Variants in ARHGAP24 observed in about 807,000 individuals in gnomAD.
The protein encoded by ARHGAP24 is rho GTPase-activating protein 24.
ARHGAP24 carries 50 observed loss-of-function variants against 76.4 expected under a neutral mutation model. The ratio of observed to expected loss-of-function variants is 0.65; its 90% confidence interval spans 0.52 to 0.83. The LOEUF (loss-of-function observed/expected upper bound fraction) is 0.83. Among genes scored for constraint, ARHGAP24 ranks in the 40% least tolerant of loss-of-function variants. The pLI, the probability that ARHGAP24 is intolerant of heterozygous loss-of-function variation, is 0.00. For missense variants in ARHGAP24, 930 were observed against 914.2 expected (o/e 1.02, Z -0.22); for synonymous variants, 345 against 323.3 (o/e 1.07, Z -0.72).
chr4:85,823,999 T>C (rs1729594469), intron 3 of ARHGAP24, among the ~76,000 whole-genome samples: 1 of 152,108 alleles, frequency 6.6e-6, no homozygotes, highest in Non-Finnish European at 1.5e-5. Context: ...AAGTACATCT[T>C]TCCCATCTAG....
chr4:85,657,282 C>T (rs1205465031), intron 2 of ARHGAP24, among the ~76,000 whole-genome samples: 2 of 152,184 alleles, frequency 1.3e-5, no homozygotes, highest in African/African-American at 4.8e-5. Context: ...AATGTGCTAT[C>T]TGCCAAACAC....
chr4:85,577,376 A>G (rs535105234), intron 2 of ARHGAP24, among the ~76,000 whole-genome samples: 13 of 152,234 alleles, frequency 8.5e-5, no homozygotes, highest in African/African-American at 2.9e-4. Flanking sequence ...TGATTTTGCA[A>G]TTTTAACTTT....
At chr4:85,535,961 C>T (rs1725453168) in intron 1 of ARHGAP24, among the ~76,000 whole-genome samples, 2 of 152,116 alleles carry the variant, frequency 1.3e-5, no homozygotes, top group Admixed American at 6.5e-5. Context: ...TGTTGATTGC[C>T]TGTGTCTCGT....
intron 1 of ARHGAP24, among the ~76,000 whole-genome samples, chr4:85,477,681 G>A (rs1043397463): frequency 6.6e-5 from 10 of 152,172 alleles, no homozygotes; most frequent in African/African-American, 1.9e-4. Flanking sequence ...TGATTACTTT[G>A]CTGTCTTAGC....
chr4:85,643,223 CGTTTTTTTGTG>C (rs1721589948), intron 2 of ARHGAP24, among the ~76,000 whole-genome samples: 1 of 129,266 alleles, frequency 7.7e-6, no homozygotes, highest in African/African-American at 3.0e-5. Flanking sequence ...TTTTATTTTC[CGTTTTTTTGTG>C]TTTTTTTTTT....
chr4:85,655,532 G>A (rs28591298), intron 2 of ARHGAP24, among the ~76,000 whole-genome samples: 54,793 of 151,146 alleles, frequency 0.36, 11,002 homozygotes, highest in East Asian at 0.84. Flanking sequence ...CTGTAACCCC[G>A]GCACTTTGGG....
intron 3 of ARHGAP24, among the ~76,000 whole-genome samples, chr4:85,757,666 G>A (rs1272293416): frequency 1.3e-5 from 2 of 152,070 alleles, no homozygotes; most frequent in African/African-American, 2.4e-5. Context: ...GAATAGTGCC[G>A]CAATAAACAT....
chr4:85,925,211 G>A (rs1735954677), intron 4 of ARHGAP24, among the ~76,000 whole-genome samples: 1 of 152,184 alleles, frequency 6.6e-6, no homozygotes. Context: ...TAAGTTGCAC[G>A]TTGTTTTTTG....
chr4:85,884,555 T>C (rs1164646207), intron 3 of ARHGAP24, among the ~76,000 whole-genome samples: 1 of 152,116 alleles, frequency 6.6e-6, no homozygotes, highest in Non-Finnish European at 1.5e-5. Flanking sequence ...AAGAGGTGAG[T>C]GTGAAGACAA....
At chr4:85,697,966 A>G (rs1158418007) in intron 2 of ARHGAP24, among the ~76,000 whole-genome samples, 1 of 152,200 alleles carries the variant, frequency 6.6e-6, no homozygotes, top group African/African-American at 2.4e-5. Context: ...TCATTGTTTA[A>G]TCTTGAAATA....
At chr4:85,486,128 G>A (rs369276826) in intron 1 of ARHGAP24, among the ~76,000 whole-genome samples, 2 of 152,284 alleles carry the variant, frequency 1.3e-5, no homozygotes, top group East Asian at 3.9e-4. Context: ...ATAGAGGAGT[G>A]AGGATCTGGA....
At chr4:85,747,853 T>G (rs1439266434) in intron 3 of ARHGAP24, among the ~76,000 whole-genome samples, 2 of 152,230 alleles carry the variant, frequency 1.3e-5, no homozygotes, top group African/African-American at 4.8e-5. Flanking sequence ...GGACAGAACA[T>G]TTTATAAAAA....
intron 3 of ARHGAP24, among the ~76,000 whole-genome samples, chr4:85,856,855 T>G (rs909139784): frequency 3.9e-5 from 6 of 152,238 alleles, no homozygotes; most frequent in Non-Finnish European, 7.3e-5. Flanking sequence ...CCTAACATTT[T>G]AGTGTATTTT....
intron 2 of ARHGAP24, among the ~76,000 whole-genome samples, chr4:85,630,369 G>A (rs552126685): frequency 6.6e-6 from 1 of 152,126 alleles, no homozygotes; most frequent in African/African-American, 2.4e-5. Context: ...GTTGGTGACT[G>A]TTTCTTCATT....
At chr4:85,718,303 C>T (rs142936480) in intron 2 of ARHGAP24, among the ~76,000 whole-genome samples, 1 of 152,202 alleles carries the variant, frequency 6.6e-6, no homozygotes, top group African/African-American at 2.4e-5. Context: ...AACAACAATA[C>T]ATGACTTTTA....
chr4:85,557,327 G>T (rs1726424390), intron 1 of ARHGAP24, among the ~76,000 whole-genome samples: 1 of 152,228 alleles, frequency 6.6e-6, no homozygotes, highest in Admixed American at 6.5e-5. Context: ...GCAGCCACTG[G>T]TGCCAGGGTG....
chr4:85,475,836 T>C (rs1228638678), intron 1 of ARHGAP24, among the ~76,000 whole-genome samples: 2 of 151,908 alleles, frequency 1.3e-5, no homozygotes, highest in Admixed American at 6.6e-5. Context: ...AAGCTGGTAG[T>C]ATGTCTTTCT....
chr4:85,633,789 T>A (rs961539188), intron 2 of ARHGAP24, among the ~76,000 whole-genome samples: 1 of 151,874 alleles, frequency 6.6e-6, no homozygotes, highest in African/African-American at 2.4e-5. Flanking sequence ...TCCTGAAATA[T>A]TTCGGGAGCC....
intron 3 of ARHGAP24, among the ~76,000 whole-genome samples, chr4:85,745,604 AC>A (rs1726001659): frequency 6.7e-6 from 1 of 149,378 alleles, no homozygotes; most frequent in South Asian, 2.1e-4. Context: ...AAAAAAAAAA[AC>A]TATAAGAAAA....
Sources: allele counts gnomAD v4.1 joint callset (sites outside exome capture counted in the v4.1 genomes callset), GRCh38; gene constraint gnomAD v4.1.1; transcripts MANE v1.5; gene names NCBI Gene and HGNC (gene_info 2026-07-23, HGNC 2026-07-21).